ACSL4: variants seen among roughly 807,000 people sequenced by gnomAD.
ACSL4 encodes long-chain-fatty-acid--CoA ligase 4.
Under a neutral mutation model 49.1 loss-of-function variants are expected in ACSL4, and 9 were observed. The ratio of observed to expected loss-of-function variants is 0.18; its 90% CI spans 0.11 to 0.32. The LOEUF (loss-of-function observed/expected upper bound fraction) is 0.32. Ranked by LOEUF, ACSL4 falls within the 10% of genes least tolerant of loss-of-function variation. ACSL4 has a pLI of 1.00. For synonymous variants in ACSL4, 191 were observed against 170.3 expected (o/e 1.12, Z -0.95); for missense variants, 333 against 493.7 (o/e 0.67, Z 3.08).
intron 9 of ACSL4, among the ~76,000 whole-genome samples, chrX:109,669,378 C>T (rs1356765575): frequency 9.9e-6 from 1 of 101,403 alleles, no homozygotes; most frequent in Non-Finnish European, 2.0e-5. Flanking sequence ...CAGTTCTATA[C>T]ATTAAGTTAA....
At chrX:109,674,372 C>T in intron 9 of ACSL4, 30 bp downstream of exon 9, 1 of 1,113,409 alleles carries the variant, frequency 9.0e-7, no homozygotes, top group Admixed American at 2.2e-5. Flanking sequence ...AAACAATCCT[C>T]TTATGTTCAT....
intron 2 of ACSL4, among the ~76,000 whole-genome samples, chrX:109,684,540 A>G (rs1010721907): frequency 2.7e-5 from 3 of 112,463 alleles, no homozygotes; most frequent in Non-Finnish European, 5.6e-5. Flanking sequence ...GGATGTCCAG[A>G]GTCCTGCCCC....
intron 1 of ACSL4, among the ~76,000 whole-genome samples, chrX:109,710,727 G>C (rs991819013): frequency 9.0e-6 from 1 of 111,290 alleles, no homozygotes; most frequent in Admixed American, 9.6e-5. Flanking sequence ...TTTTTTTGTT[G>C]AGAGATGGGG....
intron 1 of ACSL4, among the ~76,000 whole-genome samples, chrX:109,707,474 A>G (rs928885746): frequency 1.1e-4 from 12 of 112,144 alleles, no homozygotes; most frequent in Non-Finnish European, 1.9e-4. Flanking sequence ...ATTTCTGGGA[A>G]TATCCTAAAG....
At chrX:109,702,139 C>T (rs1395463556) in intron 1 of ACSL4, among the ~76,000 whole-genome samples, 2 of 109,509 alleles carry the variant, frequency 1.8e-5, no homozygotes, top group East Asian at 2.9e-4. Context: ...CACTCAAACC[C>T]GGGAGGCGGA....
At chrX:109,687,979 A>T (rs983759783) in intron 2 of ACSL4, among the ~76,000 whole-genome samples, 2 of 111,545 alleles carry the variant, frequency 1.8e-5, no homozygotes, top group African/African-American at 6.5e-5. Flanking sequence ...TGTGAGAAAC[A>T]CATGACTGTG....
chrX:109,731,054 T>C (rs918312600), intron 1 of ACSL4, among the ~76,000 whole-genome samples: 2 of 111,768 alleles, frequency 1.8e-5, no homozygotes, highest in South Asian at 7.4e-4. Context: ...ATTAACATAA[T>C]ACCCAACATT....
At chrX:109,667,622 G>A (rs564445917) in intron 11 of ACSL4, among the ~76,000 whole-genome samples, 17 of 112,320 alleles carry the variant, frequency 1.5e-4, no homozygotes, top group South Asian at 3.6e-4. Flanking sequence ...GCGACCGGGC[G>A]TGGTGGCTCA....
At chrX:109,688,487 A>G (rs1025660299) in intron 2 of ACSL4, among the ~76,000 whole-genome samples, 1 of 111,323 alleles carries the variant, frequency 9.0e-6, no homozygotes, top group African/African-American at 3.3e-5. Context: ...TCTTCTTTTC[A>G]GCTATAGCCC....
At chrX:109,666,100 G>A (rs1193476361) in intron 11 of ACSL4, among the ~76,000 whole-genome samples, 1 of 112,266 alleles carries the variant, frequency 8.9e-6, no homozygotes, top group Admixed American at 9.4e-5. Context: ...CAGCACATGA[G>A]AGATAAGGAG....
intron 1 of ACSL4, among the ~76,000 whole-genome samples, chrX:109,717,602 T>C (rs774234818): frequency 8.9e-5 from 10 of 111,811 alleles, no homozygotes; most frequent in Non-Finnish European, 1.9e-4. Context: ...GGGAATGACA[T>C]TGAGGTTCAG....
At chrX:109,694,237 C>T (rs755283045) in intron 2 of ACSL4, among the ~76,000 whole-genome samples, 1 of 111,907 alleles carries the variant, frequency 8.9e-6, no homozygotes, top group South Asian at 3.7e-4. Flanking sequence ...TTTCTTTATA[C>T]TTGGAAATCA....
chrX:109,676,553 C>T (rs1349694361), intron 8 of ACSL4, among the ~76,000 whole-genome samples: 1 of 111,083 alleles, frequency 9.0e-6, no homozygotes, highest in Non-Finnish European at 1.9e-5. Flanking sequence ...CCTATACTTG[C>T]TTTGTCTTTC....
intron 15 of ACSL4, among the ~76,000 whole-genome samples, chrX:109,647,901 C>T (rs1402453777): frequency 1.5e-4 from 17 of 111,433 alleles, no homozygotes; most frequent in South Asian, 3.8e-4. Flanking sequence ...AACACCTCTA[C>T]GCAAATAAAC....
At chrX:109,644,255 G>A (rs1934542644) in intron 15 of ACSL4, 69 bp from the exon 16 acceptor site, 2 of 950,197 alleles carry the variant, frequency 2.1e-6, no homozygotes, top group East Asian at 3.2e-5. Context: ...AGTGGGGACG[G>A]GGAAAGAAGG....
At chrX:109,670,768 G>A (rs188840519) in intron 9 of ACSL4, among the ~76,000 whole-genome samples, 1,927 of 111,441 alleles carry the variant, frequency 0.017, 31 homozygotes, top group African/African-American at 0.059. Context: ...TGGGATTGCA[G>A]GCGCGTGCCG....
chrX:109,648,460 G>A (rs1195006981), intron 15 of ACSL4, among the ~76,000 whole-genome samples: 5 of 111,245 alleles, frequency 4.5e-5, no homozygotes, highest in African/African-American at 1.3e-4. Flanking sequence ...AAAGGCCTTT[G>A]ACAAAATTCA....
intron 2 of ACSL4, among the ~76,000 whole-genome samples, chrX:109,685,092 T>C (rs975160264): frequency 2.5e-4 from 24 of 97,805 alleles, no homozygotes; most frequent in South Asian, 4.9e-4. Context: ...TTCTTTCTTT[T>C]TTTTTTTTTT....
At chrX:109,694,915 T>C (rs1925309306) in intron 2 of ACSL4, among the ~76,000 whole-genome samples, 2 of 112,047 alleles carry the variant, frequency 1.8e-5, no homozygotes, top group African/African-American at 6.5e-5. Context: ...CAATGAAATA[T>C]ATACTTAAAA....
Sources: gnomAD v4.1 joint callset for allele counts (sites outside exome capture counted in the v4.1 genomes callset) on GRCh38, gnomAD v4.1.1 for gene constraint, MANE v1.5 for transcripts, NCBI Gene and HGNC (gene_info 2026-07-23, HGNC 2026-07-21) for gene names.